SEMA5B: variants seen among roughly 807,000 people sequenced by gnomAD.
The protein encoded by SEMA5B is semaphorin-5B.
A neutral mutation model predicts 135.0 loss-of-function variants in SEMA5B; 66 were observed. The ratio of observed to expected loss-of-function variants is 0.49; its 90% CI spans 0.40 to 0.60. SEMA5B has a LOEUF of 0.60. Ranked by LOEUF, SEMA5B falls within the 20% of genes least tolerant of loss-of-function variation. The pLI is 0.00. For synonymous variants in SEMA5B, 690 were observed against 639.5 expected (o/e 1.08, Z -1.19); for missense variants, 1,501 against 1,566.3 (o/e 0.96, Z 0.70).
At chr3:122,950,343 G>A (rs1377924166) in intron 2 of SEMA5B, among the ~76,000 whole-genome samples, 3 of 152,208 alleles carry the variant, frequency 2.0e-5, no homozygotes, top group Admixed American at 6.5e-5. Context: ...TGTGCAAGAT[G>A]GCACAATCCC....
At chr3:123,008,751 C>A (rs914825634) in intron 1 of SEMA5B, among the ~76,000 whole-genome samples, 7 of 152,150 alleles carry the variant, frequency 4.6e-5, no homozygotes, top group African/African-American at 1.7e-4. Context: ...GGAGAAGGAC[C>A]AAATTGGGCC....
At chr3:122,991,687 C>T (rs535159188) in intron 1 of SEMA5B, among the ~76,000 whole-genome samples, 8 of 150,638 alleles carry the variant, frequency 5.3e-5, no homozygotes, top group African/African-American at 2.0e-4. Flanking sequence ...TCCTTCAGCC[C>T]TGCCTTAGAT....
chr3:122,970,553 A>T (rs1262557545), intron 1 of SEMA5B, among the ~76,000 whole-genome samples: 4 of 152,212 alleles, frequency 2.6e-5, no homozygotes, highest in Non-Finnish European at 4.4e-5. Flanking sequence ...CTTACCTTTT[A>T]GTATTTGCAA....
In SEMA5B at chr3:122,913,863, C is replaced by G. The variant is rs770262806; in HGVS notation, c.2127G>C (p.Glu709Asp). 11 of 1,604,466 alleles carry G rather than the reference C, an allele frequency of 6.9e-6. No individual in the cohort carries two copies. Among genetic ancestry groups the G allele is most frequent in the Middle Eastern group, 3.3e-4 (2 of 6,016 alleles). Residue 709 changes from glutamate to aspartate, a missense_variant, in exon 15 of 23, where the codon GAG becomes GAC. Transcript: ENST00000357599. ...GCAAGCCTGTTCTCCCTCACCGTTC[C>G]TCCCGGCTCTTGCCCACGCAGATGC... The part of the protein sequence containing the change: ...GGRICVGKSR[E>D]ERFCNENTPC...
chr3:122,934,872 CAA>C (rs71701473), intron 5 of SEMA5B, among the ~76,000 whole-genome samples: 3 of 132,284 alleles, frequency 2.3e-5, no homozygotes, highest in Non-Finnish European at 3.2e-5. Context: ...AGACCCACCT[CAA>C]AAAAAAAAAA....
chr3:122,965,265 T>A (rs2107620394), intron 1 of SEMA5B, among the ~76,000 whole-genome samples: 1 of 152,318 alleles, frequency 6.6e-6, no homozygotes, highest in African/African-American at 2.4e-5. Context: ...TCCCCCATTG[T>A]CTTCGATAAT....
chr3:122,986,003 T>A (rs1941685006), intron 1 of SEMA5B, among the ~76,000 whole-genome samples: 1 of 152,038 alleles, frequency 6.6e-6, no homozygotes. Flanking sequence ...GCTCAAAGAA[T>A]GGGGCTGATT....
intron 1 of SEMA5B, among the ~76,000 whole-genome samples, chr3:123,017,075 T>C (rs1942580010): frequency 6.6e-6 from 1 of 151,816 alleles, no homozygotes; most frequent in South Asian, 2.1e-4. Flanking sequence ...GTATTTTTAG[T>C]GGAGATGGGG....
At chr3:122,980,902 G>C (rs979216011) in intron 1 of SEMA5B, among the ~76,000 whole-genome samples, 9 of 152,216 alleles carry the variant, frequency 5.9e-5, no homozygotes, top group African/African-American at 2.2e-4. Context: ...CATGTAAGCA[G>C]ATTCTTACAG....
intron 1 of SEMA5B, among the ~76,000 whole-genome samples, chr3:123,001,600 GCATTTATAATGTACTGAATGTA>G (rs1053510926): frequency 3.3e-5 from 5 of 152,162 alleles, no homozygotes; most frequent in East Asian, 3.8e-4. Context: ...ACTGAAGAAT[GCATTTATAATGTACTGAATGTA>G]CATTTATAAT....
chr3:122,913,577 C>T lies in SEMA5B; in HGVS notation c.2237G>A (p.Arg746His), dbSNP rs547650953. ...GGAGTTGCCGTTCTCGCAGGCCCGA[C>T]GCCGCGACTGCATGCCCCCTCCACA... is the stretch of plus-strand genomic sequence containing the variant. ...SNCGGGMQSR[R>H]RACENGNSCL... The change falls in exon 16 of 23, where the codon CGT becomes CAT. Residue 746 changes from arginine to histidine, a missense_variant. Around this residue, in one of 2 missense-constraint regions of SEMA5B, gnomAD observed 927 missense variants for 881.6 expected, o/e 1.05. Coordinates refer to ENST00000357599, the MANE Select transcript of SEMA5B (RefSeq NM_001031702.4). 6.2e-7 allele frequency: 1 copy of T among 1,613,108 alleles called. No individual in the cohort carries two copies. The highest frequency in any genetic ancestry group is 1.1e-5 in the South Asian group (1 of 90,996).
intron 1 of SEMA5B, among the ~76,000 whole-genome samples, chr3:123,018,841 A>C (rs1416188950): frequency 1.3e-5 from 2 of 152,206 alleles, no homozygotes; most frequent in African/African-American, 4.8e-5. Context: ...AAATTCTTCC[A>C]ACTGGCTGGA....
intron 1 of SEMA5B, among the ~76,000 whole-genome samples, chr3:122,962,824 C>G (rs2107610872): frequency 6.6e-6 from 1 of 152,252 alleles, no homozygotes; most frequent in South Asian, 2.1e-4. Context: ...CCCAGCTTCC[C>G]CAACCCCCTG....
chr3:122,926,784 A>G, intron 8 of SEMA5B, 107 bp from the exon 9 acceptor site: 1 of 1,279,410 alleles, frequency 7.8e-7, no homozygotes, highest in Non-Finnish European at 1.1e-6. Flanking sequence ...GCATCCTGAC[A>G]TCCTTCTCTC....
At chr3:122,915,001 C>T (rs1339297191) in intron 14 of SEMA5B, among the ~76,000 whole-genome samples, 1 of 152,210 alleles carries the variant, frequency 6.6e-6, no homozygotes, top group African/African-American at 2.4e-5. Context: ...CTCCCAACAA[C>T]TCTTGGGTGG....
Position 122,913,334 on chromosome 3 carries a change from C to T in SEMA5B, c.2371G>A (p.Gly791Arg). Residue 791 changes from glycine to arginine, a missense_variant, in exon 17 of 23, where the codon GGG becomes AGG. Physicochemically the swap from Gly to Arg is moderately radical, Grantham distance 125 (BLOSUM62 -2). This residue lies in a region of SEMA5B where 927 missense variants were observed against 881.6 expected (regional missense o/e 1.05). Coordinates refer to ENST00000357599, the MANE Select transcript of SEMA5B (RefSeq NM_001031702.4). ...CGGAACCGCTGCTCCTGCCGTGCCC[C>T]GCCCTGCGTCACGTTCACGGGCAGC... is the stretch of plus-strand genomic sequence containing the variant. ...PWLPVNVTQG[G>R]ARQEQRFRFT... The T allele has an allele frequency of 6.3e-7, 1 of 1,578,026 alleles. No homozygotes were observed. Among genetic ancestry groups the T allele is most frequent in the South Asian group, 1.1e-5 (1 of 88,306 alleles).
intron 5 of SEMA5B, among the ~76,000 whole-genome samples, chr3:122,936,065 T>C (rs1009048240): frequency 5.9e-5 from 9 of 152,196 alleles, no homozygotes; most frequent in African/African-American, 2.2e-4. Context: ...TCTCTGTTGT[T>C]GTGAATGTGC....
intron 2 of SEMA5B, among the ~76,000 whole-genome samples, chr3:122,950,345 C>T (rs1939989107): frequency 6.6e-6 from 1 of 152,164 alleles, no homozygotes; most frequent in Non-Finnish European, 1.5e-5. Flanking sequence ...TGCAAGATGG[C>T]ACAATCCCTG....
intron 1 of SEMA5B, among the ~76,000 whole-genome samples, chr3:122,972,655 T>A (rs1941170113): frequency 6.6e-6 from 1 of 152,146 alleles, no homozygotes; most frequent in African/African-American, 2.4e-5. Flanking sequence ...TAAGAGCTGT[T>A]GGGATGCTGC....
Sources: allele counts gnomAD v4.1 joint callset (sites outside exome capture counted in the v4.1 genomes callset), GRCh38; gene constraint gnomAD v4.1.1; regional missense constraint gnomAD v4.1.1; transcripts MANE v1.5; gene names NCBI Gene and HGNC (gene_info 2026-07-23, HGNC 2026-07-21).